PDE3B: variants seen among roughly 807,000 people sequenced by gnomAD.
The protein encoded by PDE3B is cGMP-inhibited 3',5'-cyclic phosphodiesterase 3B.
PDE3B carries 66 observed loss-of-function variants against 116.8 expected under a neutral mutation model. The ratio of observed to expected loss-of-function variants is 0.56; its 90% confidence interval spans 0.46 to 0.69. PDE3B has a LOEUF of 0.69. Among genes scored for constraint, PDE3B ranks in the 30% least tolerant of loss-of-function variants. The pLI is 0.00. For missense variants in PDE3B, 1,384 were observed against 1,368.1 expected, an observed-to-expected ratio of 1.01 and a Z score of -0.18; for synonymous variants, 595 against 533.6, an observed-to-expected ratio of 1.12 and a Z score of -1.59.
intron 1 of PDE3B, among the ~76,000 whole-genome samples, chr11:14,647,188 GTGT>G (rs1423797562): frequency 6.6e-6 from 1 of 151,998 alleles, no homozygotes; most frequent in African/African-American, 2.4e-5. Flanking sequence ...GATTTTCAAA[GTGT>G]TGTATATGAC....
intron 1 of PDE3B, among the ~76,000 whole-genome samples, chr11:14,685,129 A>T (rs1298307616): frequency 6.6e-6 from 1 of 152,184 alleles, no homozygotes. Context: ...AAATCTTCAC[A>T]ATTTATGTTC....
intron 1 of PDE3B, among the ~76,000 whole-genome samples, chr11:14,659,122 A>C (rs1590037699): frequency 6.6e-6 from 1 of 152,374 alleles, no homozygotes; most frequent in East Asian, 1.9e-4. Context: ...TGAATGCCTC[A>C]GTTTATAGGT....
intron 1 of PDE3B, among the ~76,000 whole-genome samples, chr11:14,667,594 A>G (rs1854211898): frequency 6.6e-6 from 1 of 151,514 alleles, no homozygotes; most frequent in South Asian, 2.1e-4. Flanking sequence ...AAGGACAAAA[A>G]ACCAAACACT....
At chr11:14,685,607 C>T (rs186936866) in intron 1 of PDE3B, among the ~76,000 whole-genome samples, 32 of 151,856 alleles carry the variant, frequency 2.1e-4, no homozygotes, top group African/African-American at 7.7e-4. Context: ...AGACGTGCAC[C>T]ACCATGCCTG....
In PDE3B at chr11:14,643,974, C is replaced by T; in HGVS notation, c.-102C>T. ...GGCGCAGCCCTGACGGGTTGCGAAC[C>T]AGGGGGCGCCCCGAACGCGGGGGTT... is the stretch of plus-strand genomic sequence containing the variant. On this transcript the variant is annotated 5_prime_UTR_variant, in exon 1 of 16. Coordinates refer to ENST00000282096, the MANE Select transcript of PDE3B (RefSeq NM_000922.4). The T allele has an allele frequency of 7.3e-7, 1 of 1,374,664 alleles. No homozygotes were observed. Among genetic ancestry groups the T allele is most frequent in the Non-Finnish European group, 9.3e-7 (1 of 1,071,850 alleles). 85.2% of individuals were successfully genotyped at this position (1,374,664 alleles called of 1,614,324 possible).
chr11:14,894,432 T>C, the PDE3B span, among the ~76,000 whole-genome samples: 2 of 152,180 alleles, frequency 1.3e-5, no homozygotes, highest in African/African-American at 4.8e-5. Context: ...CAGTTTTTGG[T>C]CTGGCCACAG....
chr11:14,697,403 A>G (rs1855239531), intron 1 of PDE3B, among the ~76,000 whole-genome samples: 1 of 152,094 alleles, frequency 6.6e-6, no homozygotes, highest in African/African-American at 2.4e-5. Context: ...CTTTTTCATA[A>G]ACTAAGTGAC....
chr11:14,676,111 T>C (rs149382800), intron 1 of PDE3B, among the ~76,000 whole-genome samples: 33 of 152,300 alleles, frequency 2.2e-4, no homozygotes, highest in Non-Finnish European at 3.7e-4. Context: ...TATGTTCTTA[T>C]TGACCATTTA....
At chr11:14,845,624 C>A (rs555867012) in intron 12 of PDE3B, among the ~76,000 whole-genome samples, 1 of 152,138 alleles carries the variant, frequency 6.6e-6, no homozygotes, top group South Asian at 2.1e-4. Flanking sequence ...CTAGAATAAC[C>A]AATACAGAGA....
At chr11:14,712,474 T>G (rs964846493) in intron 1 of PDE3B, among the ~76,000 whole-genome samples, 1 of 61,994 alleles carries the variant, frequency 1.6e-5, no homozygotes, top group African/African-American at 3.8e-5. Context: ...TTGTTTTTTT[T>G]TTTTTTTTTT....
At chr11:14,743,741 A>G (rs1216826298) in intron 1 of PDE3B, among the ~76,000 whole-genome samples, 1 of 152,192 alleles carries the variant, frequency 6.6e-6, no homozygotes, top group Non-Finnish European at 1.5e-5. Flanking sequence ...ACTGTGGGAA[A>G]TGCGTACTAT....
At chr11:14,824,948 A>G (rs1474390052) in intron 7 of PDE3B, among the ~76,000 whole-genome samples, 1 of 152,116 alleles carries the variant, frequency 6.6e-6, no homozygotes, top group Non-Finnish European at 1.5e-5. Context: ...GAAACCCTAC[A>G]AGCCAGAAGA....
Position 14,789,130 on chromosome 11 carries a change from A to G in PDE3B, c.1303A>G (p.Thr435Ala), listed in dbSNP as rs777786831. The change falls in exon 4 of 16, where the codon ACT becomes GCT. Residue 435 changes from threonine to alanine, a missense_variant. Transcript: ENST00000282096. ...GGGACTAAATAGGAATAGTTTGCCA[A>G]CTCCACAGCTGAGGAGAAGCTCAGG... is the stretch of plus-strand genomic sequence containing the variant. ...NKGLNRNSLP[T>A]PQLRRSSGTS... is the part of the protein sequence containing the mutation. 9.9e-6 allele frequency: 16 copies of G among 1,609,378 alleles called. No individual in the cohort carries two copies. Among genetic ancestry groups the G allele is most frequent in the Non-Finnish European group, 1.3e-5 (15 of 1,177,570 alleles).
chr11:14,750,423 A>G (rs1164942905), intron 1 of PDE3B, among the ~76,000 whole-genome samples: 1 of 152,166 alleles, frequency 6.6e-6, no homozygotes, highest in Admixed American at 6.5e-5. Flanking sequence ...CACTATAGCA[A>G]AACTGTGGCT....
chr11:14,812,169 G>T (rs949960238), intron 5 of PDE3B, among the ~76,000 whole-genome samples: 1 of 152,162 alleles, frequency 6.6e-6, no homozygotes, highest in Admixed American at 6.5e-5. Context: ...AAATATTCCA[G>T]AATTAGATAG....
intron 2 of PDE3B, chr11:14,773,809 T>G (rs1857709178): frequency 6.6e-6 from 1 of 152,216 alleles, no homozygotes; most frequent in Non-Finnish European, 1.5e-5. Context: ...TTTTTGAGGA[T>G]TTCTACTTGG....
intron 13 of PDE3B, among the ~76,000 whole-genome samples, chr11:14,859,624 G>A (rs1555006762): frequency 6.6e-6 from 1 of 152,142 alleles, no homozygotes; most frequent in Non-Finnish European, 1.5e-5. Flanking sequence ...TTAACTTTAT[G>A]TGTTTCTTAA....
At chr11:14,763,538 A>G (rs939276220) in intron 1 of PDE3B, among the ~76,000 whole-genome samples, 1 of 152,062 alleles carries the variant, frequency 6.6e-6, no homozygotes, top group Non-Finnish European at 1.5e-5. Flanking sequence ...AAACTGCAGC[A>G]TGTTTATAAT....
At chr11:14,648,785 A>G (rs918130793) in intron 1 of PDE3B, among the ~76,000 whole-genome samples, 8 of 152,048 alleles carry the variant, frequency 5.3e-5, no homozygotes, top group Non-Finnish European at 1.0e-4. Context: ...GCATTTTATT[A>G]CTAATGGGAC....
Sources: allele counts gnomAD v4.1 joint callset (sites outside exome capture counted in the v4.1 genomes callset), GRCh38; gene constraint gnomAD v4.1.1; transcripts MANE v1.5; gene names NCBI Gene and HGNC (gene_info 2026-07-23, HGNC 2026-07-21).